GNPAT: variants seen among roughly 807,000 people sequenced by gnomAD.
GNPAT encodes the protein dihydroxyacetone phosphate acyltransferase.
Under a neutral mutation model 78.4 loss-of-function variants are expected in GNPAT, and 30 were observed. The ratio of observed to expected loss-of-function variants is 0.38; its 90% CI spans 0.29 to 0.52. The LOEUF is 0.52. GNPAT is among the 20% of genes least tolerant of loss of function. The probability of loss-of-function intolerance (pLI) is 0.84; values close to 1 mark genes in which losing one functional copy is unlikely to be tolerated. For synonymous variants in GNPAT, 271 were observed against 281.1 expected (o/e 0.96, Z 0.36); for missense variants, 714 against 812.2 (o/e 0.88, Z 1.47).
At chr1:231,252,699 T>C (rs1684931627) in intron 2 of GNPAT, among the ~76,000 whole-genome samples, 1 of 151,516 alleles carries the variant, frequency 6.6e-6, no homozygotes, top group Non-Finnish European at 1.5e-5. Flanking sequence ...GAATATGCTC[T>C]CTCCTTTTTT....
intron 9 of GNPAT, among the ~76,000 whole-genome samples, chr1:231,268,348 T>C (rs1047189620): frequency 2.0e-5 from 3 of 152,118 alleles, no homozygotes; most frequent in African/African-American, 7.2e-5. Flanking sequence ...TTTTTATCAC[T>C]ATAGGACACA....
At chr1:231,271,115 C>A (rs535524743) in intron 10 of GNPAT, 115 bp downstream of exon 10, 8 of 1,215,452 alleles carry the variant, frequency 6.6e-6, no homozygotes, top group African/African-American at 1.5e-5. Context: ...GAAGAGCAGG[C>A]CTATCACTGA....
At chr1:231,249,107 G>A (rs1558324905) in intron 1 of GNPAT, among the ~76,000 whole-genome samples, 1 of 152,070 alleles carries the variant, frequency 6.6e-6, no homozygotes, top group Admixed American at 6.5e-5. Flanking sequence ...TTGTTTTTAA[G>A]CCCTAAAATG....
chr1:231,266,388 T>G lies in GNPAT; in HGVS notation c.1036T>G (p.Ser346Ala). ...SLAAGRMSRS[S>A]YNLVPRYIPQ... The stretch of plus-strand genomic sequence containing the variant: ...GGCAGCTGGGAGGATGAGTCGGAGC[T>G]CATATAACTTGGTTCCAAGGTGTGA... Residue 346 changes from serine to alanine, a missense_variant, in exon 8 of 16, where the codon TCA becomes GCA. Coordinates refer to ENST00000366647, the MANE Select transcript of GNPAT (RefSeq NM_014236.4). The G allele has an allele frequency of 6.2e-7, 1 of 1,614,006 alleles. No individual in the cohort carries two copies. Among genetic ancestry groups the G allele is most frequent in the Non-Finnish European group, 8.5e-7 (1 of 1,179,874 alleles).
rs745869264 is a variant in GNPAT at position 231,265,290 on chromosome 1, T to C, written c.569-3T>C. The C allele has an allele frequency of 1.2e-5, 20 of 1,608,274 alleles. No individual in the cohort carries two copies. The highest frequency in any genetic ancestry group is 1.7e-5 in the Non-Finnish European group (20 of 1,174,732). ...CAAATAAATATTATCCCCTCTTTTT[T>C]AGACTTCCTGGGAATGAAAATGGTT... On this transcript the variant is annotated splice_region_variant and splice_polypyrimidine_tract_variant and intron_variant, in intron 4 of 15. Transcript: ENST00000366647.
chr1:231,273,993 T>G lies in GNPAT; in HGVS notation c.1674T>G (p.Val558=). 1.2e-6 allele frequency: 2 copies of G among 1,611,026 alleles called. No individual in the cohort carries two copies. Among genetic ancestry groups the G allele is most frequent in the African/African-American group, 2.7e-5 (2 of 75,002 alleles). The change falls in exon 12 of 16, where the codon GTT becomes GTG. Residue 558 remains valine, a synonymous_variant. Coordinates refer to ENST00000366647, the MANE Select transcript of GNPAT (RefSeq NM_014236.4). ...AAGTGACTACGAAAGACATCCTAGT[T>G]ACAGAGAAAGGAAATACTGTGTTAG... ...AIQVTTKDIL[V]TEKGNTVLEF...
intron 12 of GNPAT, among the ~76,000 whole-genome samples, chr1:231,274,487 G>A (rs1291964637): frequency 2.0e-5 from 3 of 152,188 alleles, no homozygotes; most frequent in Non-Finnish European, 4.4e-5. Context: ...GTTTATGTTG[G>A]AAAGAAAAAG....
At chr1:231,270,476 A>T (rs552665598) in intron 9 of GNPAT, among the ~76,000 whole-genome samples, 62 of 152,292 alleles carry the variant, frequency 4.1e-4, no homozygotes, top group African/African-American at 1.4e-3. Flanking sequence ...AGTGGTGTTC[A>T]TTTTCAGAGT....
Position 231,260,639 on chromosome 1 carries a change from C to T in GNPAT, c.394C>T (p.Gln132Ter), listed in dbSNP as rs1685197606. Residue 132 changes from glutamine to a stop codon, truncating the protein, a stop_gained, in exon 3 of 16, where the codon CAA (glutamine) becomes TAA (stop). Coordinates refer to ENST00000366647, the MANE Select transcript of GNPAT (RefSeq NM_014236.4). LOFTEE classifies it high-confidence loss of function. ...CTTCACCCTGAGCAAAGTATTTAAA[C>T]AAATTTTCTCGAAGGTGTGTGTAAA... Reference protein sequence around the residue: ...CAFTLSKVFKQIFSKVCVNEE... With the variant: ...CAFTLSKVFK The T allele has an allele frequency of 6.2e-7, 1 of 1,612,192 alleles. No individual in the cohort carries two copies.
intron 2 of GNPAT, among the ~76,000 whole-genome samples, chr1:231,252,950 C>A (rs1365028248): frequency 6.6e-6 from 1 of 151,978 alleles, no homozygotes; most frequent in Non-Finnish European, 1.5e-5. Flanking sequence ...TTGCCTGTTA[C>A]CTCCAGTTTT....
Position 231,265,331 on chromosome 1 carries a change from A to G in GNPAT, c.607A>G (p.Met203Val). 6.2e-7 allele frequency: 1 copy of G among 1,612,110 alleles called. No homozygotes were observed. The highest frequency in any genetic ancestry group is 8.5e-7 in the Non-Finnish European group (1 of 1,178,140). Residue 203 changes from methionine to valine, a missense_variant, in exon 5 of 16, where the codon ATG (methionine) becomes GTG (valine). Transcript: ENST00000366647. ...GMKMVGELLR[M>V]SGAFFMRRTF... ...GAAAATGGTTGGTGAGCTGCTACGA[A>G]TGTCGGGTGCCTTTTTCATGCGGCG...
intron 2 of GNPAT, among the ~76,000 whole-genome samples, chr1:231,255,938 A>G (rs1403769024): frequency 6.6e-6 from 1 of 152,128 alleles, no homozygotes; most frequent in Non-Finnish European, 1.5e-5. Flanking sequence ...ATGACACCAT[A>G]CCATCACCCT....
intron 9 of GNPAT, among the ~76,000 whole-genome samples, chr1:231,269,217 C>T (rs1433825049): frequency 6.6e-6 from 1 of 151,750 alleles, no homozygotes; most frequent in Non-Finnish European, 1.5e-5. Context: ...AGGGACCATA[C>T]TCAGGAAGAC....
At chr1:231,261,315 A>G (rs1008407753) in intron 3 of GNPAT, among the ~76,000 whole-genome samples, 2 of 151,680 alleles carry the variant, frequency 1.3e-5, no homozygotes, top group South Asian at 2.1e-4. Flanking sequence ...TAGTATCTGT[A>G]TTTGTGTTTC....
chr1:231,260,378 TAAG>T, intron 2 of GNPAT, 126 bp from the exon 3 acceptor site: 2 of 742,214 alleles, frequency 2.7e-6, no homozygotes, highest in East Asian at 4.9e-5. Flanking sequence ...AGTTGTCAAT[TAAG>T]AAGACACTAT....
In GNPAT at chr1:231,262,711, T is replaced by C; in HGVS notation, c.439-12T>C. ...AACTGAAATTATTCAAAATGTAACA[T>C]TTACTTTCAAGCTACAAAGAGCCAT... On this transcript the variant is annotated splice_polypyrimidine_tract_variant and intron_variant, in intron 3 of 15. Coordinates refer to ENST00000366647, the MANE Select transcript of GNPAT (RefSeq NM_014236.4). 1.2e-6 allele frequency: 2 copies of C among 1,602,060 alleles called. No homozygotes were observed. The highest frequency in any genetic ancestry group is 1.7e-6 in the Non-Finnish European group (2 of 1,169,294).
At chr1:231,250,744 T>C (rs2102801874) in intron 1 of GNPAT, among the ~76,000 whole-genome samples, 1 of 152,292 alleles carries the variant, frequency 6.6e-6, no homozygotes, top group South Asian at 2.1e-4. Context: ...ATCAGAAATA[T>C]AATAAAATAT....
chr1:231,253,874 A>T (rs1179685675), intron 2 of GNPAT, among the ~76,000 whole-genome samples: 1 of 152,260 alleles, frequency 6.6e-6, no homozygotes, highest in Non-Finnish European at 1.5e-5. Context: ...AAATGAGGCC[A>T]TGGTCCCATC....
chr1:231,259,634 C>T (rs757634167), intron 2 of GNPAT, among the ~76,000 whole-genome samples: 1 of 128,950 alleles, frequency 7.8e-6, no homozygotes, highest in East Asian at 2.2e-4. Context: ...GCAACAAGAG[C>T]GAAACTCCGT....
Sources: allele counts gnomAD v4.1 joint callset (sites outside exome capture counted in the v4.1 genomes callset), GRCh38; gene constraint gnomAD v4.1.1; transcripts MANE v1.5; gene names NCBI Gene and HGNC (gene_info 2026-07-23, HGNC 2026-07-21).